Variants in TNFSF8 observed in about 807,000 individuals in gnomAD.
The protein encoded by TNFSF8 is TNF superfamily member 8.
In TNFSF8, 4 loss-of-function variants were observed where a neutral mutation model predicts 22.0. The ratio of observed to expected loss-of-function variants is 0.18; its 90% confidence interval spans 0.09 to 0.42. The LOEUF (loss-of-function observed/expected upper bound fraction) is 0.42. Among genes scored for constraint, TNFSF8 ranks in the 10% least tolerant of loss-of-function variants. The probability of loss-of-function intolerance (pLI) is 1.00; values close to 1 mark genes in which losing one functional copy is unlikely to be tolerated. For synonymous variants in TNFSF8, 106 were observed against 112.5 expected (o/e 0.94, Z 0.37); for missense variants, 233 against 281.8 (o/e 0.83, Z 1.24).
intron 2 of TNFSF8, among the ~76,000 whole-genome samples, chr9:114,910,376 C>T (rs1042984223): frequency 6.6e-6 from 1 of 152,128 alleles, no homozygotes; most frequent in Non-Finnish European, 1.5e-5. Context: ...AACAGAGATC[C>T]TAGTTTTAGG....
rs1169792220 is a variant in TNFSF8, at chr9:114,912,082, T to C, written c.238+6014A>G. On this transcript the variant is annotated intron_variant, in intron 2 of 3. Coordinates refer to ENST00000223795, the MANE Select transcript of TNFSF8 (RefSeq NM_001244.4). The stretch of plus-strand genomic sequence containing the variant: ...AATTTTAGAAAGTTAGACAGACTTA[T>C]GTTCAAATTCCACGTCTGCCATTAC... Among the ~76,000 whole-genome samples, 4 of 152,256 alleles carry C rather than the reference T, an allele frequency of 2.6e-5. No individual in the cohort carries two copies. The East Asian group carries it at 5.8e-4, about 22-fold the overall frequency.
At position 114,901,276 on chromosome 9, in the gene TNFSF8, G is replaced by T. The variant is rs1032222536; in HGVS notation, c.*2655C>A. ...CAGAATTTAGTTTTAAACTTCCTGG[G>T]TTGCCTACTCCCTACATATCTATCA... On this transcript the variant is annotated 3_prime_UTR_variant, in exon 4 of 4. Coordinates refer to ENST00000223795, the MANE Select transcript of TNFSF8 (RefSeq NM_001244.4). 25 of 985,298 alleles carry T rather than the reference G, an allele frequency of 2.5e-5. No individual in the cohort carries two copies. In the Admixed American group the frequency reaches 1.4e-3, roughly 56 times the overall value. 61.0% of individuals were successfully genotyped at this position (985,298 alleles called of 1,614,324 possible). A position where few individuals can be genotyped will look rare whatever the true frequency, so the allele number is the denominator to read the frequency against.
At chr9:114,895,125 G>A (rs998678683) in intron 4 of TNFSF8, among the ~76,000 whole-genome samples, 26 of 152,338 alleles carry the variant, frequency 1.7e-4, no homozygotes, top group African/African-American at 5.5e-4. Context: ...AGGAGGATCA[G>A]CCTTCAAATC....
chr9:114,908,208 C>A (rs1392607352), intron 2 of TNFSF8, among the ~76,000 whole-genome samples: 1 of 152,172 alleles, frequency 6.6e-6, no homozygotes, highest in Non-Finnish European at 1.5e-5. Flanking sequence ...CCCCCACTGC[C>A]CAGTCTAGCA....
chr9:114,894,837 T>A (rs77173026), intron 4 of TNFSF8, among the ~76,000 whole-genome samples: 133 of 152,310 alleles, frequency 8.7e-4, no homozygotes, highest in African/African-American at 3.1e-3. Context: ...TGTGAGTGTA[T>A]GAATGTAATG....
At chr9:114,918,823 A>G (rs569608161) in intron 1 of TNFSF8, among the ~76,000 whole-genome samples, 4 of 152,024 alleles carry the variant, frequency 2.6e-5, no homozygotes, top group African/African-American at 9.6e-5. Context: ...TTGGTCTCGA[A>G]CTCCTGACCT....
rs753806413 is a variant in TNFSF8, at chr9:114,904,086, T to G, written c.550A>C (p.Lys184Gln). 128 of 1,614,052 alleles carry G rather than the reference T, an allele frequency of 7.9e-5. No individual in the cohort carries two copies. Among genetic ancestry groups the G allele is most frequent in the Non-Finnish European group, 1.0e-4 (119 of 1,180,002 alleles). The change falls in exon 4 of 4, where the codon AAA becomes CAA. Residue 184 changes from lysine (K) to glutamine (Q), a missense_variant. Coordinates refer to ENST00000223795, the MANE Select transcript of TNFSF8 (RefSeq NM_001244.4). ...VTVCESGMQT[K>Q]HVYQNLSQFL... ...TGAGAGAGATTCTGGTATACGTGTT[T>G]CGTTTGCATTCCAGACTCACACACT... is the stretch of plus-strand genomic sequence containing the variant.
rs750623130 is a variant in TNFSF8, at chr9:114,930,321, C to T, written c.-18G>A. On this transcript the variant is annotated 5_prime_UTR_variant, in exon 1 of 4. It introduces an in-frame stop codon into an upstream open reading frame of the 5' UTR. Coordinates refer to ENST00000223795, the MANE Select transcript of TNFSF8 (RefSeq NM_001244.4). The stretch of plus-strand genomic sequence containing the variant: ...GGGTCCATTCTTTATATAGTCTTCC[C>T]CACATCACACCTTATCTCTCTTCAT... The T allele has an allele frequency of 6.8e-6, 10 of 1,480,212 alleles. No individual in the cohort carries two copies. The South Asian group carries it at 9.4e-5, about 14-fold the overall frequency. 91.7% of individuals were successfully genotyped at this position (1,480,212 alleles called of 1,614,324 possible). A position where few individuals can be genotyped will look rare whatever the true frequency, so the allele number is the denominator to read the frequency against.
At chr9:114,919,948 T>G (rs1385921723) in intron 1 of TNFSF8, among the ~76,000 whole-genome samples, 1 of 152,174 alleles carries the variant, frequency 6.6e-6, no homozygotes, top group African/African-American at 2.4e-5. Context: ...CTTAAACATT[T>G]GGGCCCTACC....
intron 2 of TNFSF8, 79 bp downstream of exon 2, chr9:114,918,017 G>C: frequency 7.0e-7 from 1 of 1,420,994 alleles, no homozygotes; most frequent in Non-Finnish European, 9.6e-7. Flanking sequence ...GTTGTTTCTG[G>C]TTGATAATCA....
Position 114,902,133 on chromosome 9 carries a change from TC to T in TNFSF8, c.*1797del. On this transcript the variant is annotated 3_prime_UTR_variant, in exon 4 of 4. Coordinates refer to ENST00000223795, the MANE Select transcript of TNFSF8 (RefSeq NM_001244.4). Reference sequence around the variant, plus strand: ...CAAGGTCCTTCCACAAATAAGATGTTCCTCCAAAGATGATGTACAGATGCCA... The same window carrying T: ...CAAGGTCCTTCCACAAATAAGATGTTCTCCAAAGATGATGTACAGATGCCA... 1.0e-6 allele frequency: 1 copy of T among 985,368 alleles called. No individual in the cohort carries two copies. Among genetic ancestry groups the T allele is most frequent in the Non-Finnish European group, 1.2e-6 (1 of 829,922 alleles). The allele number at this position is 985,368 out of a possible 1,614,324, so 61.0% of individuals were successfully genotyped here.
At chr9:114,916,753 C>T (rs1048733945) in intron 2 of TNFSF8, among the ~76,000 whole-genome samples, 16 of 152,140 alleles carry the variant, frequency 1.1e-4, no homozygotes, top group Admixed American at 3.3e-4. Context: ...TACTTATTTG[C>T]GTGTAGTCAG....
At chr9:114,923,864 G>A (rs1828023899) in intron 1 of TNFSF8, among the ~76,000 whole-genome samples, 1 of 152,194 alleles carries the variant, frequency 6.6e-6, no homozygotes, top group Admixed American at 6.5e-5. Flanking sequence ...AAAGGCGATA[G>A]TTGGTGGTCA....
rs553937405 is a variant in TNFSF8 at position 114,925,128 on chromosome 9, C to G, written c.195+4981G>C. Among the ~76,000 whole-genome samples, 5 of 152,230 alleles carry G rather than the reference C, an allele frequency of 3.3e-5. No individual in the cohort carries two copies. In the South Asian group the frequency reaches 1.0e-3, roughly 32 times the overall value. ...TGGGGTTTTATTGGGGGCTTACATA[C>G]AGGGGAGAGAGTCCAGTGGCAGTGA... is the stretch of plus-strand genomic sequence containing the variant. On this transcript the variant is annotated intron_variant, in intron 1 of 3. Coordinates refer to ENST00000223795, the MANE Select transcript of TNFSF8 (RefSeq NM_001244.4).
At chr9:114,912,786 G>A (rs1438354559) in intron 2 of TNFSF8, among the ~76,000 whole-genome samples, 1 of 152,190 alleles carries the variant, frequency 6.6e-6, no homozygotes. Flanking sequence ...CTGCCTTCAA[G>A]GTGCAGCTTT....
chr9:114,894,032 G>T, exon 5 of TNFSF8: 1 of 1,460,580 alleles, frequency 6.8e-7, no homozygotes, highest in South Asian at 1.2e-5. Context: ...CAGTGACAGT[G>T]ACCCAGGGTA....
At chr9:114,909,454 A>T (rs1259755410) in intron 2 of TNFSF8, among the ~76,000 whole-genome samples, 1 of 152,128 alleles carries the variant, frequency 6.6e-6, no homozygotes, top group Non-Finnish European at 1.5e-5. Context: ...GAATCCTGGG[A>T]TTTCTCCTCT....
intron 1 of TNFSF8, among the ~76,000 whole-genome samples, chr9:114,925,119 G>C (rs534171411): frequency 1.1e-4 from 16 of 152,278 alleles, no homozygotes; most frequent in Non-Finnish European, 1.5e-4. Context: ...TTTATTGGGG[G>C]CTTACATACA....
intron 1 of TNFSF8, among the ~76,000 whole-genome samples, chr9:114,919,056 G>A (rs1321699160): frequency 2.0e-5 from 3 of 149,576 alleles, no homozygotes; most frequent in Non-Finnish European, 3.0e-5. Flanking sequence ...ATCTGTGAAC[G>A]TATGTTGTAA....
Sources: allele counts gnomAD v4.1 joint callset (sites outside exome capture counted in the v4.1 genomes callset), GRCh38; gene constraint gnomAD v4.1.1; transcripts MANE v1.5; gene names NCBI Gene and HGNC (gene_info 2026-07-23, HGNC 2026-07-21).